The following ANXA7 variants were observed in gnomAD, a reference collection of about 807,000 sequenced individuals.
The protein encoded by ANXA7 is annexin A7, also known as annexin VII.
ANXA7 carries 55 observed loss-of-function variants against 64.9 expected under a neutral mutation model. The ratio of observed to expected loss-of-function variants is 0.85; its 90% CI spans 0.68 to 1.06. The LOEUF (loss-of-function observed/expected upper bound fraction) is 1.06, where lower values mean the gene tolerates loss of function less well. Among genes scored for constraint, ANXA7 ranks in the 50% least tolerant of loss-of-function variants. The pLI, the probability that ANXA7 is intolerant of heterozygous loss-of-function variation, is 0.00. For missense variants in ANXA7, 548 were observed against 582.1 expected (o/e 0.94, Z 0.60); for synonymous variants, 200 against 192.4 (o/e 1.04, Z -0.33).
At chr10:73,389,967 G>C (rs886652475) in intron 5 of ANXA7, among the ~76,000 whole-genome samples, 1 of 152,142 alleles carries the variant, frequency 6.6e-6, no homozygotes, top group African/African-American at 2.4e-5. Context: ...GCTTAAGAGG[G>C]ATGGGATGAA....
At chr10:73,378,370 C>G (rs1216404274) in intron 12 of ANXA7, among the ~76,000 whole-genome samples, 1 of 114,204 alleles carries the variant, frequency 8.8e-6, no homozygotes. Flanking sequence ...AGAGTGAGAC[C>G]ATGTCTCAAA....
chr10:73,412,361 C>T (rs540719471), intron 1 of ANXA7, among the ~76,000 whole-genome samples: 150 of 152,054 alleles, frequency 9.9e-4, no homozygotes, highest in African/African-American at 3.4e-3. Context: ...TGTACTTTAG[C>T]CCTTTTAGAA....
chr10:73,398,674 G>GAA (rs890400608), intron 2 of ANXA7, among the ~76,000 whole-genome samples: 4 of 137,690 alleles, frequency 2.9e-5, no homozygotes, highest in African/African-American at 8.0e-5. Flanking sequence ...AAGGTTTTAA[G>GAA]AAAAAAAAAA....
In ANXA7 at chr10:73,376,075, T is replaced by TAAAA; in HGVS notation, c.*16_*19dup. 9.9e-6 allele frequency: 13 copies of TAAAA among 1,310,268 alleles called. No individual in the cohort carries two copies. Among genetic ancestry groups the TAAAA allele is most frequent in the South Asian group, 9.0e-5 (6 of 66,510 alleles). 81.2% of individuals were successfully genotyped at this position (1,310,268 alleles called of 1,614,324 possible). ...GCTATGAATAGAAATTTTTTTTCAT[T>TAAAA]AAAAAAAAAAAAATCCCTCCTACTG... On this transcript the variant is annotated 3_prime_UTR_variant, in exon 13 of 13. Transcript: ENST00000372921.
At position 73,390,311 on chromosome 10, in the gene ANXA7, A is replaced by G. The variant is rs181213423; in HGVS notation, c.436-1897T>C. ...ATGAGAACAAGCCCCATCTTTCAGC[A>G]GCTTTTCAAGATAACACTTTTATGG... On this transcript the variant is annotated intron_variant, in intron 5 of 12. Coordinates refer to ENST00000372921, the MANE Select transcript of ANXA7 (RefSeq NM_001156.5). Among the ~76,000 whole-genome samples, 7 of 152,350 alleles carry G rather than the reference A, an allele frequency of 4.6e-5. 1 individual carries two copies. The highest frequency in any genetic ancestry group is 3.9e-4 in the Admixed American group (6 of 15,294).
intron 1 of ANXA7, among the ~76,000 whole-genome samples, chr10:73,402,672 T>C (rs892202650): frequency 5.3e-5 from 8 of 152,198 alleles, no homozygotes; most frequent in Non-Finnish European, 7.4e-5. Flanking sequence ...CAAAACAAGA[T>C]ATGTTCAGAA....
chr10:73,392,433 A>T, intron 5 of ANXA7, among the ~76,000 whole-genome samples: 1 of 152,222 alleles, frequency 6.6e-6, no homozygotes, highest in Non-Finnish European at 1.5e-5. Flanking sequence ...CCTGATGAAC[A>T]TCGATGCAAA....
chr10:73,401,783 T>C (rs2055670813), intron 1 of ANXA7, among the ~76,000 whole-genome samples: 3 of 150,866 alleles, frequency 2.0e-5, no homozygotes, highest in Admixed American at 1.3e-4. Context: ...ATTACAGGCG[T>C]AAGCCACCTC....
chr10:73,394,375 G>A (rs2055535721), intron 5 of ANXA7, among the ~76,000 whole-genome samples: 1 of 152,116 alleles, frequency 6.6e-6, no homozygotes, highest in Non-Finnish European at 1.5e-5. Context: ...ATACCCAAAG[G>A]ATTATAAATC....
At chr10:73,397,825 T>C (rs928963671) in intron 3 of ANXA7, among the ~76,000 whole-genome samples, 12 of 152,228 alleles carry the variant, frequency 7.9e-5, no homozygotes, top group Admixed American at 3.3e-4. Context: ...TTTTGTTGTT[T>C]TTTGGGGTCT....
intron 1 of ANXA7, among the ~76,000 whole-genome samples, chr10:73,402,847 C>T (rs1324894811): frequency 4.1e-5 from 6 of 147,394 alleles, no homozygotes; most frequent in East Asian, 3.9e-4. Flanking sequence ...TTTTTTGAGT[C>T]GGAGTCTGAC....
At chr10:73,404,621 T>C (rs1007311033) in intron 1 of ANXA7, among the ~76,000 whole-genome samples, 1 of 152,088 alleles carries the variant, frequency 6.6e-6, no homozygotes, top group Non-Finnish European at 1.5e-5. Context: ...GATGAGTACA[T>C]GGGGATTCAT....
chr10:73,377,930 T>TGTGTGTGTGTGTGTGTGTGTGTGTGCGC (rs542289005), intron 12 of ANXA7, among the ~76,000 whole-genome samples: 1 of 142,498 alleles, frequency 7.0e-6, no homozygotes, highest in African/African-American at 2.8e-5. Flanking sequence ...TGTGTGTGTG[T>TGTGTGTGTGTGTGTGTGTGTGTGTGCGC]GCGCGCGCGT....
intron 11 of ANXA7, among the ~76,000 whole-genome samples, chr10:73,379,231 G>T (rs1220902020): frequency 6.6e-6 from 1 of 152,130 alleles, no homozygotes; most frequent in African/African-American, 2.4e-5. Context: ...GTGCAGTGGT[G>T]CAATCATGGC....
chr10:73,391,708 T>C (rs1050187396), intron 5 of ANXA7, among the ~76,000 whole-genome samples: 4 of 152,096 alleles, frequency 2.6e-5, no homozygotes, highest in African/African-American at 9.7e-5. Context: ...CTGGCCCAAC[T>C]TCCCATCTAA....
chr10:73,413,019 G>T (rs931915280), intron 1 of ANXA7, among the ~76,000 whole-genome samples: 1 of 152,014 alleles, frequency 6.6e-6, no homozygotes, highest in Non-Finnish European at 1.5e-5. Flanking sequence ...CTGAAGATAC[G>T]CGCAACAGCG....
intron 5 of ANXA7, among the ~76,000 whole-genome samples, chr10:73,391,013 T>C (rs945781848): frequency 1.4e-5 from 2 of 146,636 alleles, no homozygotes. Flanking sequence ...CTACTACAAA[T>C]ACAAAAATGC....
chr10:73,403,489 T>TA (rs151009073), intron 1 of ANXA7, among the ~76,000 whole-genome samples: 487 of 150,824 alleles, frequency 3.2e-3, no homozygotes, highest in African/African-American at 8.7e-3. Flanking sequence ...CCGTGTCTCT[T>TA]AAAAAAAAAC....
intron 11 of ANXA7, 50 bp downstream of exon 11, chr10:73,379,829 G>C: frequency 6.6e-7 from 1 of 1,520,530 alleles, no homozygotes; most frequent in Non-Finnish European, 9.1e-7. Flanking sequence ...ACTATTCAAA[G>C]CTCCCACTCA....
Sources: gnomAD v4.1 joint callset for allele counts (sites outside exome capture counted in the v4.1 genomes callset) on GRCh38, gnomAD v4.1.1 for gene constraint, MANE v1.5 for transcripts, NCBI Gene and HGNC (gene_info 2026-07-23, HGNC 2026-07-21) for gene names.